The following PSMA5 variants were observed in gnomAD, a reference collection of about 807,000 sequenced individuals.
The protein encoded by PSMA5 is proteasome subunit alpha type-5.
In PSMA5, 3 loss-of-function variants were observed where a neutral mutation model predicts 34.5. That is an observed-to-expected ratio of 0.09 (90% CI 0.04 to 0.22). The LOEUF (loss-of-function observed/expected upper bound fraction) is 0.22, where lower values mean the gene tolerates loss of function less well. Among genes scored for constraint, PSMA5 ranks in the 10% least tolerant of loss-of-function variants. The probability of loss-of-function intolerance (pLI) is 1.00; values close to 1 mark genes in which losing one functional copy is unlikely to be tolerated. For synonymous variants in PSMA5, 88 were observed against 95.8 expected (o/e 0.92, Z 0.47); for missense variants, 120 against 286.1 (o/e 0.42, Z 4.19).
At chr1:109,407,186 A>G (rs780351210) in intron 8 of PSMA5, among the ~76,000 whole-genome samples, 40 of 151,980 alleles carry the variant, frequency 2.6e-4, no homozygotes, top group Non-Finnish European at 4.9e-4. Context: ...AAGGGGTTTC[A>G]CCCTGTTAGC....
At position 109,400,190 on chromosome 1, in the gene PSMA5, A is replaced by G. The variant is rs2100946503; in HGVS notation, c.*1823T>C. On this transcript the variant is annotated 3_prime_UTR_variant, in exon 9 of 9. Transcript: ENST00000271308. Reference sequence around the variant, plus strand: ...AAGCTGAGGCGAACGGACATAGGCTAAGAGCTACTCCTTAGTATTTGGGCA... The same window carrying G: ...AAGCTGAGGCGAACGGACATAGGCTGAGAGCTACTCCTTAGTATTTGGGCA... The G allele has an allele frequency of 6.6e-6, 1 of 152,332 alleles. No individual in the cohort carries two copies. The highest frequency in any genetic ancestry group is 2.1e-4 in the South Asian group (1 of 4,832). 9.4% of individuals were successfully genotyped at this position (152,332 alleles called of 1,614,324 possible). A position where few individuals can be genotyped will look rare whatever the true frequency, so the allele number is the denominator to read the frequency against.
intron 2 of PSMA5, among the ~76,000 whole-genome samples, chr1:109,420,034 G>A (rs1232391240): frequency 6.6e-6 from 1 of 151,638 alleles, no homozygotes; most frequent in Non-Finnish European, 1.5e-5. Flanking sequence ...GTTTTGAGAG[G>A]ATACATGTAA....
intron 8 of PSMA5, among the ~76,000 whole-genome samples, chr1:109,402,777 C>T (rs998697489): frequency 6.6e-6 from 1 of 152,194 alleles, no homozygotes; most frequent in Non-Finnish European, 1.5e-5. Context: ...GTGATCTAGG[C>T]TCACCGCAAC....
chr1:109,421,982 C>G (rs1368265438), intron 1 of PSMA5, 56 bp from the exon 2 acceptor site: 14 of 1,162,358 alleles, frequency 1.2e-5, no homozygotes, highest in Non-Finnish European at 1.5e-5. Context: ...CATGTAGACA[C>G]TGAATTCAAG....
Position 109,421,896 on chromosome 1 carries a change from T to C in PSMA5, c.60A>G (p.Arg20=). 1 of 1,539,834 alleles carries C rather than the reference T, an allele frequency of 6.5e-7. No homozygotes were observed. Among genetic ancestry groups the C allele is most frequent in the Non-Finnish European group, 8.7e-7 (1 of 1,154,254 alleles). The change falls in exon 2 of 9, where the codon AGA becomes AGG. Residue 20 remains arginine (R), a synonymous_variant. Transcript: ENST00000271308. ...CAATGGCATATTCCACTTGAAATAA[T>C]CTTCCTTCGGGAGAAAAAGTATTCA... is the stretch of plus-strand genomic sequence containing the variant. ...RGVNTFSPEG[R]LFQVEYAIEA...
chr1:109,426,163 A>G (rs1327320794), intron 1 of PSMA5, 139 bp downstream of exon 1: 1 of 1,162,016 alleles, frequency 8.6e-7, no homozygotes, highest in Non-Finnish European at 1.3e-6. Context: ...CGGGCGCCTG[A>G]GGAGGGCATA....
chr1:109,403,523 A>G (rs376717600), intron 8 of PSMA5, among the ~76,000 whole-genome samples: 1 of 151,888 alleles, frequency 6.6e-6, no homozygotes, highest in African/African-American at 2.4e-5. Flanking sequence ...CCACGTACTC[A>G]GGAGGCTGAG....
At chr1:109,416,233 G>A (rs1214321162) in intron 2 of PSMA5, among the ~76,000 whole-genome samples, 1 of 151,978 alleles carries the variant, frequency 6.6e-6, no homozygotes, top group Non-Finnish European at 1.5e-5. Context: ...CTAATAAAAT[G>A]CTATTATCAT....
rs531230258 is a variant in PSMA5, at chr1:109,399,393, G to A, written c.*2620C>T. 35 of 152,028 alleles carry A rather than the reference G, an allele frequency of 2.3e-4. No individual in the cohort carries two copies. The highest frequency in any genetic ancestry group is 7.7e-4 in the African/African-American group (32 of 41,442). 9.4% of individuals were successfully genotyped at this position (152,028 alleles called of 1,614,324 possible). ...TAAAAAAGATTATTTTTAAATCTATGCCAACTATGGGAGTAGATCACAAGA... is the reference window on the plus strand; with the variant it reads ...TAAAAAAGATTATTTTTAAATCTATACCAACTATGGGAGTAGATCACAAGA... On this transcript the variant is annotated 3_prime_UTR_variant, in exon 9 of 9. Transcript: ENST00000271308.
rs1285410662 is a variant in PSMA5 at position 109,413,104 on chromosome 1, A to G, written c.255T>C (p.Ala85=). 1 of 1,613,906 alleles carries G rather than the reference A, an allele frequency of 6.2e-7. No homozygotes were observed. Among genetic ancestry groups the G allele is most frequent in the Non-Finnish European group, 8.5e-7 (1 of 1,179,880 alleles). Residue 85 remains alanine (A), a synonymous_variant, in exon 4 of 9, where the codon GCT becomes GCC. Coordinates refer to ENST00000271308, the MANE Select transcript of PSMA5 (RefSeq NM_002790.4). ...CTCTGGCTTTATCAATTAAAGTCTT[A>G]GCATCAGCAATTAGCCCACTCATGG... ...GCAMSGLIAD[A]KTLIDKARVE...
chr1:109,415,013 C>A, intron 3 of PSMA5: 1 of 437,570 alleles, frequency 2.3e-6, no homozygotes, highest in Non-Finnish European at 4.0e-6. Flanking sequence ...ATCACATTTA[C>A]CAAGTCTAAA....
intron 6 of PSMA5, 96 bp downstream of exon 6, chr1:109,411,781 C>T: frequency 1.6e-6 from 2 of 1,250,986 alleles, no homozygotes; most frequent in East Asian, 2.3e-5. Flanking sequence ...TGTGCTAATA[C>T]CTGGCTAACA....
intron 8 of PSMA5, among the ~76,000 whole-genome samples, chr1:109,408,925 A>T (rs1653891236): frequency 6.6e-6 from 1 of 152,084 alleles, no homozygotes; most frequent in African/African-American, 2.4e-5. Flanking sequence ...TCCTGCCCTC[A>T]AGCGATCCAC....
chr1:109,415,172 G>A, intron 3 of PSMA5, 65 bp downstream of exon 3: 2 of 1,508,938 alleles, frequency 1.3e-6, no homozygotes, highest in Non-Finnish European at 1.8e-6. Context: ...ACCTTCCTTG[G>A]AACATCATAG....
chr1:109,421,109 C>A (rs1399971885), intron 2 of PSMA5, among the ~76,000 whole-genome samples: 1 of 151,794 alleles, frequency 6.6e-6, no homozygotes, highest in African/African-American at 2.4e-5. Context: ...AAAGCTTGAG[C>A]CCAGGAGTTA....
intron 4 of PSMA5, 82 bp from the exon 5 acceptor site, chr1:109,412,266 A>G: frequency 8.5e-7 from 1 of 1,170,968 alleles, no homozygotes; most frequent in Non-Finnish European, 1.3e-6. Context: ...CATCCCTTTA[A>G]ACTGGGATTG....
chr1:109,412,249 C>A (rs1654020201), intron 4 of PSMA5, 65 bp from the exon 5 acceptor site: 1 of 1,291,040 alleles, frequency 7.7e-7, no homozygotes. Flanking sequence ...CACCATCTCA[C>A]TACGCACATC....
intron 8 of PSMA5, among the ~76,000 whole-genome samples, chr1:109,405,362 A>AT (rs1653706991): frequency 6.6e-6 from 1 of 151,954 alleles, no homozygotes. Context: ...TCTCTAATAG[A>AT]TTAAACAAAT....
chr1:109,400,022 C>T lies in PSMA5; in HGVS notation c.*1991G>A, dbSNP rs1357089960. 1 of 152,112 alleles carries T rather than the reference C, an allele frequency of 6.6e-6. No homozygotes were observed. The highest frequency in any genetic ancestry group is 1.5e-5 in the Non-Finnish European group (1 of 68,030). 9.4% of individuals were successfully genotyped at this position (152,112 alleles called of 1,614,324 possible). A position where few individuals can be genotyped will look rare whatever the true frequency, so the allele number is the denominator to read the frequency against. On this transcript the variant is annotated 3_prime_UTR_variant, in exon 9 of 9. Coordinates refer to ENST00000271308, the MANE Select transcript of PSMA5 (RefSeq NM_002790.4). ...TTCGTAGTAAGATCACTTCTTTAACCTAAGAAAGCTTGTTTTAATATTCTA... is the reference window on the plus strand; with the variant it reads ...TTCGTAGTAAGATCACTTCTTTAACTTAAGAAAGCTTGTTTTAATATTCTA...
Sources: allele counts gnomAD v4.1 joint callset (sites outside exome capture counted in the v4.1 genomes callset), GRCh38; gene constraint gnomAD v4.1.1; transcripts MANE v1.5; gene names NCBI Gene and HGNC (gene_info 2026-07-23, HGNC 2026-07-21).